The following KLHL26 variants were observed in gnomAD, a reference collection of about 807,000 sequenced individuals.
KLHL26 encodes the protein kelch-like protein 26.
Under a neutral mutation model 7.1 loss-of-function variants are expected in KLHL26, and 4 were observed. The ratio of observed to expected loss-of-function variants is 0.56; its 90% CI spans 0.28 to 1.28. The LOEUF is 1.28. KLHL26 is among the 50% of genes most tolerant of loss of function. The pLI, the probability that KLHL26 is intolerant of heterozygous loss-of-function variation, is 0.11. For synonymous variants in KLHL26, 465 were observed against 414.1 expected (o/e 1.12, Z -1.49); for missense variants, 896 against 924.6 (o/e 0.97, Z 0.40).
rs1309499885 is a variant in KLHL26, at chr19:18,656,096, AC to A, written c.84-8160del. On this transcript the variant is annotated intron_variant, in intron 1 of 2. Transcript: ENST00000300976. This position sits in a 1 kb window ranked among gnomAD's most constrained non-coding sequence, Gnocchi z 4.4. ...CAGCTTGCAAACCACTGCACCTCTA[AC>A]CCCCTGTTTTCTGGAAGGTTTGAGC... Among the ~76,000 whole-genome samples the A allele has an allele frequency of 2.0e-5, 3 of 151,154 alleles. No homozygotes were observed. Among genetic ancestry groups the A allele is most frequent in the Non-Finnish European group, 4.4e-5 (3 of 67,848 alleles).
intron 2 of KLHL26, among the ~76,000 whole-genome samples, chr19:18,666,197 C>T (rs775273361): frequency 3.9e-5 from 6 of 152,292 alleles, no homozygotes; most frequent in Admixed American, 6.5e-5. Context: ...GCTCCTGGAC[C>T]GCTCAGAGAT....
Position 18,669,175 on chromosome 19 carries a change from A to C in KLHL26, c.1778A>C (p.His593Pro). 6.2e-7 allele frequency: 1 copy of C among 1,612,700 alleles called. No homozygotes were observed. ...TDTDEWERDL[H>P]FPESFAGIAC... Reference sequence around the variant, plus strand: ...ACCGACGAGTGGGAGCGGGACCTGCACTTCCCGGAGTCCTTCGCAGGCATA... The same window carrying C: ...ACCGACGAGTGGGAGCGGGACCTGCCCTTCCCGGAGTCCTTCGCAGGCATA... The change falls in exon 3 of 3, where the codon CAC (histidine) becomes CCC (proline). Residue 593 changes from histidine (H) to proline (P), a missense_variant. Physicochemically the swap from His to Pro is moderately conservative, Grantham distance 77 (BLOSUM62 -2). Transcript: ENST00000300976.
At position 18,671,570 on chromosome 19, in the gene KLHL26, G is replaced by A. The variant is rs911842106; in HGVS notation, c.*2325G>A. ...GGGCGCTGCTGTATCTAACCGGATC[G>A]ATTGTGCATAACCGTCTAGGCCGGT... On this transcript the variant is annotated 3_prime_UTR_variant, in exon 3 of 3. Coordinates refer to ENST00000300976, the MANE Select transcript of KLHL26 (RefSeq NM_018316.3). 9.9e-5 allele frequency: 15 copies of A among 152,242 alleles called. No individual in the cohort carries two copies. The highest frequency in any genetic ancestry group is 1.8e-4 in the Non-Finnish European group (12 of 68,056). 9.4% of individuals were successfully genotyped at this position (152,242 alleles called of 1,614,324 possible). A position where few individuals can be genotyped will look rare whatever the true frequency, so the allele number is the denominator to read the frequency against.
intron 2 of KLHL26, among the ~76,000 whole-genome samples, chr19:18,666,743 T>G (rs1441656204): frequency 6.6e-6 from 1 of 152,190 alleles, no homozygotes; most frequent in East Asian, 1.9e-4. Context: ...GCTCCATTCC[T>G]GGGGACCCTC....
intron 2 of KLHL26, 138 bp from the exon 3 acceptor site, chr19:18,667,526 A>G: frequency 7.1e-7 from 1 of 1,412,026 alleles, no homozygotes; most frequent in Non-Finnish European, 9.3e-7. Context: ...TTTAATGAGC[A>G]TTCCGCCTAC....
chr19:18,637,960 A>G (rs1165768872), intron 1 of KLHL26, among the ~76,000 whole-genome samples: 1 of 152,186 alleles, frequency 6.6e-6, no homozygotes, highest in Admixed American at 6.5e-5. Context: ...CCAGGTTTGC[A>G]TGACAATTAG....
rs777522409 is a variant in KLHL26 at position 18,668,153 on chromosome 19, C to T, written c.756C>T (p.Arg252=). ...CCAGCCACGTGCTCTGCCACATTCG[C>T]TTCCCGCTCATGCAGTCGTCCGAGC... ...PRASHVLCHI[R]FPLMQSSELV... The change falls in exon 3 of 3, where the codon CGC becomes CGT. Residue 252 remains arginine (R), a synonymous_variant. Transcript: ENST00000300976. 1.1e-5 allele frequency: 18 copies of T among 1,607,762 alleles called. No individual in the cohort carries two copies. Among genetic ancestry groups the T allele is most frequent in the Non-Finnish European group, 7.6e-6 (9 of 1,179,476 alleles).
At position 18,668,700 on chromosome 19, in the gene KLHL26, C is replaced by T. The variant is rs2052487509; in HGVS notation, c.1303C>T (p.Pro435Ser). 2.5e-6 allele frequency: 4 copies of T among 1,572,928 alleles called. No homozygotes were observed. The highest frequency in any genetic ancestry group is 1.3e-5 in the African/African-American group (1 of 74,282). Residue 435 changes from proline to serine, a missense_variant, in exon 3 of 3, where the codon CCC becomes TCC. Coordinates refer to ENST00000300976, the MANE Select transcript of KLHL26 (RefSeq NM_018316.3). ...CCTGGCCTCCGTGGAGCGGTACTGC[C>T]CCCGGCGCAATGAGTGGGGCTACGC... is the stretch of plus-strand genomic sequence containing the variant. ...GSLASVERYC[P>S]RRNEWGYACS...
rs750440335 is a variant in KLHL26, at chr19:18,649,015, G to A, written c.83+11878G>A. 5.7e-4 allele frequency among the ~76,000 whole-genome samples: 87 copies of A among 152,268 alleles called. No individual in the cohort carries two copies. Among genetic ancestry groups the A allele is most frequent in the South Asian group, 1.5e-3 (7 of 4,814 alleles). ...CAAAATCTACTTCTTGATGTGACCCGCTGGGCCCCTGAGCTTCCGCAGCTC... is the reference window on the plus strand; with the variant it reads ...CAAAATCTACTTCTTGATGTGACCCACTGGGCCCCTGAGCTTCCGCAGCTC... On this transcript the variant is annotated intron_variant, in intron 1 of 2. Transcript: ENST00000300976. This position sits in a 1 kb window ranked among gnomAD's most constrained non-coding sequence, Gnocchi z 4.0.
rs1196062152 is a variant in KLHL26, at chr19:18,668,021, C to T, written c.624C>T (p.Arg208=). 4.4e-6 allele frequency: 7 copies of T among 1,609,148 alleles called. No individual in the cohort carries two copies. The highest frequency in any genetic ancestry group is 4.2e-6 in the Non-Finnish European group (5 of 1,179,976). The stretch of plus-strand genomic sequence containing the variant: ...ATTTCCTGCGCCTGCCACTGGAGCG[C>T]CTGGTCTTCTTCCTGCAGAGCAACC... ...EEDFLRLPLE[R]LVFFLQSNRL... Residue 208 remains arginine, a synonymous_variant, in exon 3 of 3, where the codon CGC becomes CGT. Coordinates refer to ENST00000300976, the MANE Select transcript of KLHL26 (RefSeq NM_018316.3).
At chr19:18,662,351 G>A (rs1003702451) in intron 1 of KLHL26, among the ~76,000 whole-genome samples, 4 of 152,216 alleles carry the variant, frequency 2.6e-5, no homozygotes, top group African/African-American at 9.6e-5. Context: ...GGGTCACCCA[G>A]AGCCCGAATG....
chr19:18,664,442 A>G lies in KLHL26; in HGVS notation c.265A>G (p.Arg89Gly), dbSNP rs1195958388. The part of the protein sequence containing the change: ...VVLAACSDYF[R>G]AMFTGGMREA... ...CCTGGCTGCCTGCAGCGACTACTTC[A>G]GGTAAGTGCTGGCCCCAGGCAGCTG... The change falls in exon 2 of 3, where the codon AGG becomes GGG. Residue 89 changes from arginine (R) to glycine (G), a missense_variant and splice_region_variant. Transcript: ENST00000300976. 2 of 1,572,440 alleles carry G rather than the reference A, an allele frequency of 1.3e-6. No homozygotes were observed. The highest frequency in any genetic ancestry group is 8.6e-7 in the Non-Finnish European group (1 of 1,158,722).
At chr19:18,660,066 C>A (rs1600702971) in intron 1 of KLHL26, among the ~76,000 whole-genome samples, 1 of 152,180 alleles carries the variant, frequency 6.6e-6, no homozygotes, top group Non-Finnish European at 1.5e-5. Context: ...CCTTGGAGAT[C>A]TCGGGAATCC....
chr19:18,652,710 C>G (rs989364045), intron 1 of KLHL26, among the ~76,000 whole-genome samples: 4 of 152,150 alleles, frequency 2.6e-5, no homozygotes, highest in African/African-American at 7.2e-5. Flanking sequence ...GCAGCAAGCT[C>G]TCTGCCTCCA....
rs2052237578 is a variant in KLHL26 at position 18,650,352 on chromosome 19, CTG to C, written c.83+13218_83+13219del. Reference sequence around the variant, plus strand: ...CGGGGTGGAAGGAGTGTCAAGGTGACTGTGAGATGACAGACACGTAGGGGAGC... The same window carrying C: ...CGGGGTGGAAGGAGTGTCAAGGTGACTGAGATGACAGACACGTAGGGGAGC... On this transcript the variant is annotated intron_variant, in intron 1 of 2. Coordinates refer to ENST00000300976, the MANE Select transcript of KLHL26 (RefSeq NM_018316.3). The surrounding 1 kb of genome is among the most constrained non-coding windows in gnomAD (Gnocchi z 4.2). Among the ~76,000 whole-genome samples, 1 of 152,174 alleles carries C rather than the reference CTG, an allele frequency of 6.6e-6. No individual in the cohort carries two copies. The highest frequency in any genetic ancestry group is 1.5e-5 in the Non-Finnish European group (1 of 68,028).
At chr19:18,660,055 C>A (rs1268115432) in intron 1 of KLHL26, among the ~76,000 whole-genome samples, 1 of 152,208 alleles carries the variant, frequency 6.6e-6, no homozygotes, top group Non-Finnish European at 1.5e-5. Flanking sequence ...CCCAGGGCAA[C>A]CCTTGGAGAT....
intron 1 of KLHL26, among the ~76,000 whole-genome samples, chr19:18,655,909 A>G (rs563027010): frequency 5.5e-4 from 84 of 152,262 alleles, no homozygotes; most frequent in African/African-American, 1.9e-3. Context: ...CATTGGTCAG[A>G]GGCTGGGATT....
At chr19:18,653,675 TCCAC>T (rs1395977927) in intron 1 of KLHL26, among the ~76,000 whole-genome samples, 1 of 11,524 alleles carries the variant, frequency 8.7e-5, no homozygotes, top group African/African-American at 4.3e-4. Flanking sequence ...CACACTTCCA[TCCAC>T]CCACCCACCC....
At position 18,668,349 on chromosome 19, in the gene KLHL26, C is replaced by A; in HGVS notation, c.952C>A (p.Pro318Thr). Residue 318 changes from proline (P) to threonine (T), a missense_variant, in exon 3 of 3, where the codon CCC (proline) becomes ACC (threonine). Physicochemically the swap from Pro to Thr is conservative, Grantham distance 38 (BLOSUM62 -1). Coordinates refer to ENST00000300976, the MANE Select transcript of KLHL26 (RefSeq NM_018316.3). ...CTCGCTCGTCACCTTCGGCGGCACG[C>A]CCTACACCGACAGCGACCGCTCGGT... ...VPSLVTFGGT[P>T]YTDSDRSVSS... 1 of 1,608,180 alleles carries A rather than the reference C, an allele frequency of 6.2e-7. No homozygotes were observed. Among genetic ancestry groups the A allele is most frequent in the Non-Finnish European group, 8.5e-7 (1 of 1,178,922 alleles).
Sources: gnomAD v4.1 joint callset for allele counts (sites outside exome capture counted in the v4.1 genomes callset) on GRCh38, gnomAD v4.1.1 for gene constraint, Gnocchi (gnomAD v3.1) non-coding constraint, MANE v1.5 for transcripts, NCBI Gene and HGNC (gene_info 2026-07-23, HGNC 2026-07-21) for gene names.